HOXB3: variants seen among roughly 807,000 people sequenced by gnomAD.
HOXB3 encodes homeobox B3.
Under a neutral mutation model 29.2 loss-of-function variants are expected in HOXB3, and 17 were observed. The ratio of observed to expected loss-of-function variants is 0.58; its 90% CI spans 0.40 to 0.87. The LOEUF (loss-of-function observed/expected upper bound fraction) is 0.87, where lower values mean the gene tolerates loss of function less well. Among genes scored for constraint, HOXB3 ranks in the 40% least tolerant of loss-of-function variants. The pLI, the probability that HOXB3 is intolerant of heterozygous loss-of-function variation, is 0.00. For missense variants in HOXB3, 637 were observed against 616.3 expected (o/e 1.03, Z -0.35); for synonymous variants, 317 against 285.9 (o/e 1.11, Z -1.10).
intron 1 of HOXB3, among the ~76,000 whole-genome samples, chr17:48,584,517 A>G (rs1473147789): frequency 6.6e-6 from 1 of 152,218 alleles, no homozygotes; most frequent in Non-Finnish European, 1.5e-5. Context: ...GAGTGAGTTG[A>G]TGTTGGTGAA....
intron 1 of HOXB3, chr17:48,581,418 G>C (rs2069933314): frequency 6.6e-6 from 1 of 152,246 alleles, no homozygotes; most frequent in Non-Finnish European, 1.5e-5. Context: ...AGGGAGACTA[G>C]AGTCTGGCCC....
At position 48,550,023 on chromosome 17, in the gene HOXB3, G is replaced by C. The variant is rs1040903263; in HGVS notation, c.*311C>G. On this transcript the variant is annotated 3_prime_UTR_variant, in exon 5 of 5. Coordinates refer to ENST00000498678, the MANE Select transcript of HOXB3 (RefSeq NM_001384749.1). ...GTGCTTTTCTGCCTCGTCCTGTCTC[G>C]TCTTCCTCTACCCCACTCCCGGGCG... The C allele has an allele frequency of 3.2e-6, 1 of 317,440 alleles. No individual in the cohort carries two copies. The highest frequency in any genetic ancestry group is 2.2e-5 in the African/African-American group (1 of 45,790). The allele number at this position is 317,440 out of a possible 1,614,324, so 19.7% of individuals were successfully genotyped here. A position where few individuals can be genotyped will look rare whatever the true frequency, so the allele number is the denominator to read the frequency against.
Position 48,551,201 on chromosome 17 carries a change from G to C in HOXB3, c.449-20C>G. On this transcript the variant is annotated intron_variant, in intron 4 of 4. Coordinates refer to ENST00000498678, the MANE Select transcript of HOXB3 (RefSeq NM_001384749.1). ...CCTCTGCTGGATCCGAGGGGGAGGG[G>C]TGGGAAGGGGAGAAAATGAAATAAA... The C allele has an allele frequency of 7.8e-7, 1 of 1,282,898 alleles. No individual in the cohort carries two copies. The highest frequency in any genetic ancestry group is 9.9e-7 in the Non-Finnish European group (1 of 1,013,676). The allele number at this position is 1,282,898 out of a possible 1,614,324, so 79.5% of individuals were successfully genotyped here. A position where few individuals can be genotyped will look rare whatever the true frequency, so the allele number is the denominator to read the frequency against.
Position 48,550,210 on chromosome 17 carries a change from TTC to T in HOXB3, c.*122_*123del. 7.5e-7 allele frequency: 1 copy of T among 1,341,330 alleles called. No individual in the cohort carries two copies. Among genetic ancestry groups the T allele is most frequent in the Non-Finnish European group, 1.0e-6 (1 of 981,986 alleles). 83.1% of individuals were successfully genotyped at this position (1,341,330 alleles called of 1,614,324 possible). On this transcript the variant is annotated 3_prime_UTR_variant, in exon 5 of 5. Transcript: ENST00000498678. The stretch of plus-strand genomic sequence containing the variant: ...GGGAAGGGAAGGAGCTCCAGGCCGG[TTC>T]TGACCAGGAAGCCTGGGTACCACCT...
chr17:48,585,659 C>T (rs969036489), intron 1 of HOXB3, among the ~76,000 whole-genome samples: 3 of 152,340 alleles, frequency 2.0e-5, no homozygotes, highest in Non-Finnish European at 1.5e-5. Flanking sequence ...AGACCCCCAC[C>T]TCTCCCTGGG....
In HOXB3 at chr17:48,553,534, A is replaced by G. The variant is rs114328458; in HGVS notation, c.-158-902T>C. ...TTTTCTTTGATTTCCCCCAAAGCAAATAAGAAACAAGAAGTTACAACTGCT... is the reference window on the plus strand; with the variant it reads ...TTTTCTTTGATTTCCCCCAAAGCAAGTAAGAAACAAGAAGTTACAACTGCT... On this transcript the variant is annotated intron_variant, in intron 3 of 4. Transcript: ENST00000498678. 3.6e-3 allele frequency: 551 copies of G among 152,172 alleles called. 4 individuals carry two copies. The highest frequency in any genetic ancestry group is 0.012 in the African/African-American group (510 of 41,518). The allele number at this position is 152,172 out of a possible 1,614,324, so 9.4% of individuals were successfully genotyped here. A position where few individuals can be genotyped will look rare whatever the true frequency, so the allele number is the denominator to read the frequency against.
chr17:48,569,033 TTC>T (rs1258383591), intron 2 of HOXB3, among the ~76,000 whole-genome samples: 30 of 149,586 alleles, frequency 2.0e-4, no homozygotes, highest in African/African-American at 6.4e-4. Context: ...CTCCCTTTCT[TTC>T]TCTCTCTCTC....
chr17:48,586,843 C>T (rs1419274646), intron 1 of HOXB3, among the ~76,000 whole-genome samples: 1 of 152,100 alleles, frequency 6.6e-6, no homozygotes, highest in Admixed American at 6.5e-5. Context: ...ATTCGAAAAC[C>T]GTCATAAGCC....
chr17:48,574,876 G>A (rs943404736), intron 1 of HOXB3, among the ~76,000 whole-genome samples: 1 of 152,178 alleles, frequency 6.6e-6, no homozygotes, highest in African/African-American at 2.4e-5. Context: ...TCACAAAAGA[G>A]GCCATTTGTC....
chr17:48,565,793 G>A (rs1452984250), intron 2 of HOXB3, among the ~76,000 whole-genome samples: 1 of 152,152 alleles, frequency 6.6e-6, no homozygotes, highest in East Asian at 1.9e-4. Flanking sequence ...CTTGTGAATT[G>A]TGGGGCTCCT....
In HOXB3 at chr17:48,564,863, G is replaced by A. The variant is rs527460129; in HGVS notation, c.-247+8974C>T. ...GGGGGCAATAGGAAGGATCAGACGG[G>A]CGAGAAAGATTTGCATCTCCCCTTT... is the stretch of plus-strand genomic sequence containing the variant. On this transcript the variant is annotated intron_variant, in intron 2 of 4. Transcript: ENST00000498678. Among the ~76,000 whole-genome samples, 30 of 152,326 alleles carry A rather than the reference G, an allele frequency of 2.0e-4. 1 individual carries two copies.
chr17:48,579,204 A>T (rs1043255206), intron 1 of HOXB3: 3 of 152,246 alleles, frequency 2.0e-5, no homozygotes, highest in African/African-American at 7.2e-5. Flanking sequence ...CACACTATAG[A>T]CAGAGCGCTG....
At chr17:48,568,363 A>G (rs1003662289) in intron 2 of HOXB3, among the ~76,000 whole-genome samples, 1 of 152,212 alleles carries the variant, frequency 6.6e-6, no homozygotes, top group Non-Finnish European at 1.5e-5. Context: ...CAAATTTATG[A>G]AAATCTCGCT....
chr17:48,577,921 G>T, intron 1 of HOXB3: 1 of 1,373,848 alleles, frequency 7.3e-7, no homozygotes, highest in Middle Eastern at 1.9e-4. Context: ...TGCACGCGGA[G>T]TGGGACGGGC....
chr17:48,559,262 C>A (rs900190761), intron 2 of HOXB3, among the ~76,000 whole-genome samples: 4 of 152,118 alleles, frequency 2.6e-5, no homozygotes, highest in Non-Finnish European at 5.9e-5. Context: ...CTCTCCTCCC[C>A]CAAAAATGCA....
rs1213222452 is a variant in HOXB3, at chr17:48,550,458, G to T, written c.1172C>A (p.Pro391His). ...SGNLDYNGAP[P>H]MAPSQHHGPC... is the part of the protein sequence containing the mutation. ...TCCGTGGTGCTGGCTGGGCGCCATAGGGGGCGCCCCGTTGTAGTCCAGGTT... is the reference window on the plus strand; with the variant it reads ...TCCGTGGTGCTGGCTGGGCGCCATATGGGGCGCCCCGTTGTAGTCCAGGTT... The change falls in exon 5 of 5, where the codon CCT (proline) becomes CAT (histidine). Residue 391 changes from proline (P) to histidine (H), a missense_variant. Transcript: ENST00000498678. 6.2e-7 allele frequency: 1 copy of T among 1,612,986 alleles called. No individual in the cohort carries two copies. The highest frequency in any genetic ancestry group is 1.3e-5 in the African/African-American group (1 of 75,022).
At chr17:48,581,949 A>G (rs2144908908) in intron 1 of HOXB3, 1 of 152,368 alleles carries the variant, frequency 6.6e-6, no homozygotes, top group South Asian at 2.1e-4. Flanking sequence ...CACCGCCCAG[A>G]AGGATACGAA....
intron 1 of HOXB3, chr17:48,577,888 C>T: frequency 1.4e-6 from 2 of 1,389,160 alleles, no homozygotes; most frequent in East Asian, 2.8e-5. Context: ...CTTTGCGCAT[C>T]CAGGGGTAGA....
chr17:48,552,442 C>T lies in HOXB3; in HGVS notation c.33G>A (p.Ala11=), dbSNP rs1597811630. The change falls in exon 4 of 5, where the codon GCG becomes GCA. Residue 11 remains alanine, a synonymous_variant. Transcript: ENST00000498678. ...AGGAATAGCCTCCGAAGAGAGCAGCCGCGGCGTTGTCGTAGTAGGTGGCTT... is the reference window on the plus strand; with the variant it reads ...AGGAATAGCCTCCGAAGAGAGCAGCTGCGGCGTTGTCGTAGTAGGTGGCTT... MQKATYYDNA[A]AALFGGYSSY... 1 of 1,587,788 alleles carries T rather than the reference C, an allele frequency of 6.3e-7. No individual in the cohort carries two copies. Among genetic ancestry groups the T allele is most frequent in the South Asian group, 1.2e-5 (1 of 86,934 alleles).
Sources: gnomAD v4.1 joint callset for allele counts (sites outside exome capture counted in the v4.1 genomes callset) on GRCh38, gnomAD v4.1.1 for gene constraint, MANE v1.5 for transcripts, NCBI Gene and HGNC (gene_info 2026-07-23, HGNC 2026-07-21) for gene names.